The following ESRRG variants were observed in gnomAD, a reference collection of about 807,000 sequenced individuals.
The protein encoded by ESRRG is estrogen-related receptor gamma.
Under a neutral mutation model 44.0 loss-of-function variants are expected in ESRRG, and 13 were observed. That is an observed-to-expected ratio of 0.30 (90% CI 0.19 to 0.47). The LOEUF (loss-of-function observed/expected upper bound fraction) is 0.47. Among genes scored for constraint, ESRRG ranks in the 20% least tolerant of loss-of-function variants. The pLI is 1.00. For missense variants in ESRRG, 395 were observed against 580.6 expected (o/e 0.68, Z 3.29); for synonymous variants, 215 against 214.6 (o/e 1.00, Z -0.02).
chr1:216,843,535 T>C (rs1277006566), intron 2 of ESRRG, among the ~76,000 whole-genome samples: 2 of 152,170 alleles, frequency 1.3e-5, no homozygotes, highest in Non-Finnish European at 2.9e-5. Flanking sequence ...AAAGAGCTTC[T>C]GGTTCAACAC....
intron 2 of ESRRG, among the ~76,000 whole-genome samples, chr1:216,918,234 G>C (rs1042811412): frequency 6.6e-6 from 1 of 152,004 alleles, no homozygotes; most frequent in African/African-American, 2.4e-5. Context: ...GACTTTTAAG[G>C]TTATTTTAAG....
intron 3 of ESRRG, among the ~76,000 whole-genome samples, chr1:216,573,329 C>G (rs573106922): frequency 6.6e-6 from 1 of 152,018 alleles, no homozygotes; most frequent in African/African-American, 2.4e-5. Flanking sequence ...CTGGCTCTTT[C>G]CATAACTATT....
chr1:217,040,874 G>C (rs2083744139), intron 1 of ESRRG, among the ~76,000 whole-genome samples: 2 of 152,132 alleles, frequency 1.3e-5, no homozygotes, highest in African/African-American at 4.8e-5. Flanking sequence ...ACTCAACACA[G>C]ATGGAGGGCC....
intron 1 of ESRRG, among the ~76,000 whole-genome samples, chr1:216,683,903 C>T (rs564576617): frequency 7.9e-5 from 12 of 152,136 alleles, no homozygotes; most frequent in South Asian, 2.1e-4. Context: ...CCCCTAAATC[C>T]GAGGTAAACC....
intron 2 of ESRRG, among the ~76,000 whole-genome samples, chr1:216,933,074 T>C (rs1465814633): frequency 6.6e-6 from 1 of 152,060 alleles, no homozygotes; most frequent in Non-Finnish European, 1.5e-5. Context: ...ATCTTTGAAA[T>C]AGGATAACAG....
chr1:216,603,200 A>G (rs190704384), intron 3 of ESRRG, among the ~76,000 whole-genome samples: 10 of 152,350 alleles, frequency 6.6e-5, no homozygotes, highest in Admixed American at 6.5e-4. Flanking sequence ...TAGCTTAAAA[A>G]TATTTCATTT....
chr1:216,681,676 A>C (rs2077056640), intron 1 of ESRRG, among the ~76,000 whole-genome samples: 1 of 152,214 alleles, frequency 6.6e-6, no homozygotes, highest in Non-Finnish European at 1.5e-5. Flanking sequence ...TTAGATACTA[A>C]TGATCAGCCA....
At chr1:216,654,483 G>T (rs992078215) in intron 2 of ESRRG, among the ~76,000 whole-genome samples, 290 of 152,132 alleles carry the variant, frequency 1.9e-3, no homozygotes, top group African/African-American at 6.9e-3. Flanking sequence ...TACAAAATTA[G>T]CCAGGTGTGG....
At chr1:216,940,069 T>C (rs1219640550) in intron 1 of ESRRG, among the ~76,000 whole-genome samples, 1 of 152,200 alleles carries the variant, frequency 6.6e-6, no homozygotes, top group Non-Finnish European at 1.5e-5. Flanking sequence ...CAAGGGACTT[T>C]TTACTTACTT....
At chr1:216,518,113 C>A (rs1446640216) in intron 6 of ESRRG, among the ~76,000 whole-genome samples, 2 of 152,140 alleles carry the variant, frequency 1.3e-5, no homozygotes, top group Non-Finnish European at 2.9e-5. Context: ...ATCACAAAGT[C>A]GTCATCCACA....
intron 5 of ESRRG, among the ~76,000 whole-genome samples, chr1:216,525,456 T>A (rs1290122090): frequency 6.6e-6 from 1 of 152,108 alleles, no homozygotes; most frequent in Non-Finnish European, 1.5e-5. Context: ...TGTCCTTTCA[T>A]CTAAGCCAAG....
At chr1:216,804,032 T>A (rs200892763) in intron 2 of ESRRG, among the ~76,000 whole-genome samples, 1 of 149,514 alleles carries the variant, frequency 6.7e-6, no homozygotes, top group Non-Finnish European at 1.5e-5. Flanking sequence ...TAAGGCAGAA[T>A]AAAAAAAAAA....
intron 1 of ESRRG, among the ~76,000 whole-genome samples, chr1:217,099,722 T>C (rs896679744): frequency 6.6e-6 from 1 of 152,142 alleles, no homozygotes; most frequent in African/African-American, 2.4e-5. Flanking sequence ...GTAACACAGG[T>C]GTTAGTTGGA....
At chr1:217,109,799 G>A (rs2092640545) in intron 1 of ESRRG, among the ~76,000 whole-genome samples, 1 of 152,110 alleles carries the variant, frequency 6.6e-6, no homozygotes, top group Non-Finnish European at 1.5e-5. Context: ...TACAAAACAT[G>A]AGTGGAAAAG....
At chr1:216,771,975 C>A (rs1429922133) in intron 2 of ESRRG, among the ~76,000 whole-genome samples, 1 of 152,100 alleles carries the variant, frequency 6.6e-6, no homozygotes, top group South Asian at 2.1e-4. Context: ...TTTAACTTCT[C>A]ATAGCCTCTG....
chr1:216,966,412 T>C (rs754440449), intron 1 of ESRRG, among the ~76,000 whole-genome samples: 1 of 152,178 alleles, frequency 6.6e-6, no homozygotes, highest in Non-Finnish European at 1.5e-5. Flanking sequence ...CAAGTCCACT[T>C]ACTTATCTTC....
chr1:217,091,049 A>G (rs1011951482), upstream of ESRRG, among the ~76,000 whole-genome samples: 3 of 152,200 alleles, frequency 2.0e-5, no homozygotes, highest in African/African-American at 7.2e-5. Context: ...TCTCTTAATC[A>G]TAATGTTGTG....
rs1259508011 is a variant in ESRRG at position 216,761,422 on chromosome 1, A to G, written c.-13-83931T>C. Among the ~76,000 whole-genome samples the G allele has an allele frequency of 2.0e-5, 3 of 152,226 alleles. No individual in the cohort carries two copies. The South Asian group carries it at 6.2e-4, about 32-fold the overall frequency. ...AACAAAGTAAAACAATCTTACAGGT[A>G]ATCTTATATCTTGACTCAGAGTAAA... is the stretch of plus-strand genomic sequence containing the variant. On this transcript the variant is annotated intron_variant, in intron 2 of 7. Transcript: ENST00000359162.
intron 2 of ESRRG, among the ~76,000 whole-genome samples, chr1:216,664,648 A>G (rs12060770): frequency 0.17 from 24,899 of 148,688 alleles, 2,226 homozygotes; most frequent in Middle Eastern, 0.2. Context: ...TCTCAAAAAT[A>G]TTTAAACATT....
Sources: gnomAD v4.1 joint callset for allele counts (sites outside exome capture counted in the v4.1 genomes callset) on GRCh38, gnomAD v4.1.1 for gene constraint, MANE v1.5 for transcripts, NCBI Gene and HGNC (gene_info 2026-07-23, HGNC 2026-07-21) for gene names.